The following RWDD3 variants were observed in gnomAD, a reference collection of about 807,000 sequenced individuals.
RWDD3 encodes the protein RWD domain-containing protein 3.
In RWDD3, 30 loss-of-function variants were observed where a neutral mutation model predicts 26.5. The ratio of observed to expected loss-of-function variants is 1.13; its 90% CI spans 0.85 to 1.54. The LOEUF is 1.54. Among genes scored for constraint, RWDD3 ranks in the 40% most tolerant of loss-of-function variants. RWDD3 has a pLI of 0.00. For synonymous variants in RWDD3, 113 were observed against 114.5 expected (o/e 0.99, Z 0.09); for missense variants, 296 against 309.1 (o/e 0.96, Z 0.32).
At chr1:95,244,118 T>G in intron 1 of RWDD3, 93 bp from the exon 2 acceptor site, 1 of 1,511,300 alleles carries the variant, frequency 6.6e-7, no homozygotes, top group Non-Finnish European at 8.8e-7. Context: ...TCATGAAAAA[T>G]AAATTGACAT....
intron 1 of RWDD3, among the ~76,000 whole-genome samples, chr1:95,240,215 C>T (rs1179364039): frequency 1.3e-5 from 2 of 151,984 alleles, no homozygotes; most frequent in Non-Finnish European, 2.9e-5. Flanking sequence ...ATCTTTGGGC[C>T]CATTATTTAC....
In RWDD3 at chr1:95,244,592, T is replaced by C; in HGVS notation, c.467T>C (p.Val156Ala). 1.2e-6 allele frequency: 2 copies of C among 1,614,176 alleles called. No homozygotes were observed. The highest frequency in any genetic ancestry group is 1.7e-6 in the Non-Finnish European group (2 of 1,180,030). ...CACATGAGAGCAAAGACTAAATATG[T>C]CAAAATTGTGGAGAAGTGGGCTTCA... ...LDHMRAKTKYVKIVEKWASDL... is the reference protein window; with the variant it reads ...LDHMRAKTKYAKIVEKWASDL... Residue 156 changes from valine to alanine, a missense_variant, in exon 2 of 4, where the codon GTC (valine) becomes GCC (alanine). Val to Ala is a moderately conservative substitution (Grantham distance 64). Transcript: ENST00000370202.
At chr1:95,244,110 A>C (rs750176579) in intron 1 of RWDD3, 101 bp from the exon 2 acceptor site, 4 of 1,504,224 alleles carry the variant, frequency 2.7e-6, no homozygotes, top group Non-Finnish European at 3.5e-6. Flanking sequence ...GAGTTTTCTC[A>C]TGAAAAATAA....
intron 1 of RWDD3, chr1:95,237,351 C>CT (rs1399145303): frequency 3.3e-5 from 5 of 152,204 alleles, no homozygotes; most frequent in Admixed American, 1.3e-4. Context: ...AAATAAGGTT[C>CT]TCCCTTTTGC....
chr1:95,240,456 G>A (rs1280617672), intron 1 of RWDD3, among the ~76,000 whole-genome samples: 4 of 152,176 alleles, frequency 2.6e-5, no homozygotes, highest in Non-Finnish European at 4.4e-5. Context: ...TACCATGGAA[G>A]TCATTAGGTG....
intron 1 of RWDD3, among the ~76,000 whole-genome samples, chr1:95,236,638 C>T (rs1680373345): frequency 6.6e-6 from 1 of 152,176 alleles, no homozygotes; most frequent in South Asian, 2.1e-4. Flanking sequence ...GTTTTCTTGT[C>T]ATCCCTCTTC....
At chr1:95,241,117 ACTT>A (rs1450108365) in intron 1 of RWDD3, among the ~76,000 whole-genome samples, 4 of 152,118 alleles carry the variant, frequency 2.6e-5, no homozygotes, top group Non-Finnish European at 5.9e-5. Flanking sequence ...GGAGGAAGAC[ACTT>A]CTTTCTCAGA....
chr1:95,239,044 A>G (rs1281101904), intron 1 of RWDD3, among the ~76,000 whole-genome samples: 1 of 152,150 alleles, frequency 6.6e-6, no homozygotes, highest in Non-Finnish European at 1.5e-5. Context: ...AGAGGGCAAG[A>G]CCCTTTTGGT....
intron 2 of RWDD3, 139 bp from the exon 3 acceptor site, chr1:95,246,403 A>G (rs191113182): frequency 7.0e-6 from 4 of 574,150 alleles, no homozygotes; most frequent in Non-Finnish European, 6.3e-6. Flanking sequence ...TAAAACAAGT[A>G]TATAAAAATT....
chr1:95,244,689 C>G lies in RWDD3; in HGVS notation c.564C>G (p.Asn188Lys), dbSNP rs771446796. The G allele has an allele frequency of 4.3e-6, 7 of 1,612,822 alleles. No individual in the cohort carries two copies. Among genetic ancestry groups the G allele is most frequent in the Non-Finnish European group, 5.9e-6 (7 of 1,179,496 alleles). The stretch of plus-strand genomic sequence containing the variant: ...TGATTTTACTACAGGGAGACAGAAA[C>G]AACCTCAAGGTGCCAAAAAGTTAAA... ...IILILLQGDR[N>K]NLKEYLILQK... The change falls in exon 2 of 4, where the codon AAC (asparagine) becomes AAG (lysine). Residue 188 changes from asparagine (N) to lysine (K), a missense_variant. By Grantham distance (94) the Asn-to-Lys change is moderately conservative (BLOSUM62 0). Transcript: ENST00000370202.
intron 1 of RWDD3, among the ~76,000 whole-genome samples, chr1:95,242,610 AT>A (rs990138063): frequency 6.6e-6 from 1 of 151,708 alleles, no homozygotes; most frequent in Non-Finnish European, 1.5e-5. Context: ...ACAATAAAGT[AT>A]TTTTTTTTAA....
chr1:95,246,589 T>C lies in RWDD3; in HGVS notation c.621T>C (p.Ser207=). ...CCTCCAAAGTAGATGTGGACTCAAG[T>C]GGAAAGAAATGCAAAGAGAAAATGA... ...QKTSKVDVDS[S]GKKCKEKMIS... The change falls in exon 3 of 4, where the codon AGT becomes AGC. Residue 207 remains serine (S), a synonymous_variant. Transcript: ENST00000370202. 2 of 1,612,776 alleles carry C rather than the reference T, an allele frequency of 1.2e-6. No individual in the cohort carries two copies. Among genetic ancestry groups the C allele is most frequent in the Non-Finnish European group, 8.5e-7 (1 of 1,179,192 alleles).
At chr1:95,238,176 A>T (rs1235572101) in intron 1 of RWDD3, among the ~76,000 whole-genome samples, 1 of 152,244 alleles carries the variant, frequency 6.6e-6, no homozygotes, top group Non-Finnish European at 1.5e-5. Flanking sequence ...CAGATAAAAA[A>T]GTTGTAAGAT....
At chr1:95,234,591 C>T (rs1557716940) in intron 1 of RWDD3, among the ~76,000 whole-genome samples, 1 of 152,014 alleles carries the variant, frequency 6.6e-6, no homozygotes, top group Non-Finnish European at 1.5e-5. Flanking sequence ...CGTGCGCACC[C>T]CCAGGCCCTC....
intron 1 of RWDD3, among the ~76,000 whole-genome samples, chr1:95,243,747 A>T (rs921916758): frequency 3.9e-5 from 6 of 152,188 alleles, no homozygotes; most frequent in African/African-American, 1.2e-4. Context: ...ACCACAGGGG[A>T]TTCCATTGCT....
At chr1:95,236,307 G>C (rs1680353140) in intron 1 of RWDD3, among the ~76,000 whole-genome samples, 1 of 147,594 alleles carries the variant, frequency 6.8e-6, no homozygotes, top group Non-Finnish European at 1.5e-5. Context: ...TGCAGCCTGG[G>C]TAACAAGAGT....
intron 1 of RWDD3, chr1:95,239,697 C>T (rs896495269): frequency 1.7e-4 from 200 of 1,142,996 alleles, no homozygotes; most frequent in Admixed American, 2.9e-4. Context: ...TTCTTCCGAA[C>T]ATATAACTAG....
intron 1 of RWDD3, among the ~76,000 whole-genome samples, chr1:95,240,733 G>A (rs1339729886): frequency 6.6e-6 from 1 of 152,010 alleles, no homozygotes; most frequent in African/African-American, 2.4e-5. Flanking sequence ...CAGGCGGCGA[G>A]GAGACCACTA....
In RWDD3 at chr1:95,244,597, A is replaced by C; in HGVS notation, c.472A>C (p.Ile158Leu). The change falls in exon 2 of 4, where the codon ATT becomes CTT. Residue 158 changes from isoleucine (I) to leucine (L), a missense_variant. By Grantham distance (5) the Ile-to-Leu change is conservative (BLOSUM62 2). Transcript: ENST00000370202. ...GAGAGCAAAGACTAAATATGTCAAA[A>C]TTGTGGAGAAGTGGGCTTCAGATTT... ...HMRAKTKYVK[I>L]VEKWASDLRL... 1 of 1,614,202 alleles carries C rather than the reference A, an allele frequency of 6.2e-7. No homozygotes were observed. Among genetic ancestry groups the C allele is most frequent in the Non-Finnish European group, 8.5e-7 (1 of 1,180,040 alleles).
Sources: gnomAD v4.1 joint callset for allele counts (sites outside exome capture counted in the v4.1 genomes callset) on GRCh38, gnomAD v4.1.1 for gene constraint, MANE v1.5 for transcripts, NCBI Gene and HGNC (gene_info 2026-07-23, HGNC 2026-07-21) for gene names.